TFPI: variants seen among roughly 807,000 people sequenced by gnomAD.
The protein encoded by TFPI is anti-convertin.
TFPI carries 15 observed loss-of-function variants against 34.6 expected under a neutral mutation model. The ratio of observed to expected loss-of-function variants is 0.43; its 90% confidence interval spans 0.29 to 0.67. TFPI has a LOEUF of 0.67. Ranked by LOEUF, TFPI falls within the 30% of genes least tolerant of loss-of-function variation. TFPI has a pLI of 0.15. For synonymous variants in TFPI, 105 were observed against 120.1 expected, an observed-to-expected ratio of 0.87 and a Z score of 0.82; for missense variants, 301 against 364.0, an observed-to-expected ratio of 0.83 and a Z score of 1.41.
At chr2:187,529,184 A>G (rs969620418) in intron 1 of TFPI, among the ~76,000 whole-genome samples, 1 of 152,344 alleles carries the variant, frequency 6.6e-6, no homozygotes, top group South Asian at 2.1e-4. Flanking sequence ...ACCCAGTTCA[A>G]GGTGGCTTTT....
chr2:187,492,481 C>T (rs1479352486), intron 3 of TFPI, among the ~76,000 whole-genome samples: 1 of 152,174 alleles, frequency 6.6e-6, no homozygotes, highest in East Asian at 1.9e-4. Context: ...TGCCCATTCA[C>T]CACTGTGTGT....
chr2:187,501,659 T>C (rs147772532), intron 2 of TFPI, among the ~76,000 whole-genome samples: 102 of 152,216 alleles, frequency 6.7e-4, no homozygotes, highest in African/African-American at 2.3e-3. Context: ...GTTTAACTTA[T>C]TCAGTCTCAC....
At position 187,484,914 on chromosome 2, in the gene TFPI, G is replaced by A. The variant is rs758618776; in HGVS notation, c.432C>T (p.Asn144=). 4 of 1,583,238 alleles carry A rather than the reference G, an allele frequency of 2.5e-6. No homozygotes were observed. The East Asian group carries it at 7.0e-5, about 28-fold the overall frequency. The change falls in exon 5 of 8, where the codon AAC becomes AAT. Residue 144 remains asparagine, a synonymous_variant. Coordinates refer to ENST00000233156, the MANE Select transcript of TFPI (RefSeq NM_006287.6). ...CRGYITRYFY[N]NQTKQCERFK... is the part of the protein sequence containing the mutation. ...AACGTTCACACTGTTTTGTCTGATT[G>A]TTATAAAAATACCTGGTAATATAAC... is the stretch of plus-strand genomic sequence containing the variant.
At chr2:187,469,512 G>T (rs921822681) in intron 6 of TFPI, among the ~76,000 whole-genome samples, 1 of 152,030 alleles carries the variant, frequency 6.6e-6, no homozygotes, top group Admixed American at 6.6e-5. Context: ...TTTACAAAAT[G>T]ATGTTATGGG....
intron 1 of TFPI, among the ~76,000 whole-genome samples, chr2:187,553,635 C>G (rs915150022): frequency 1.3e-5 from 2 of 152,108 alleles, no homozygotes; most frequent in Admixed American, 6.6e-5. Context: ...TTAAGTATCT[C>G]AGAATATGAC....
chr2:187,492,002 T>C (rs531564927), intron 3 of TFPI, among the ~76,000 whole-genome samples: 1 of 152,326 alleles, frequency 6.6e-6, no homozygotes, highest in Admixed American at 6.5e-5. Context: ...TATGTTTCTT[T>C]TGAAAAATAC....
chr2:187,507,786 T>C (rs1438158807), intron 1 of TFPI, among the ~76,000 whole-genome samples: 1 of 152,248 alleles, frequency 6.6e-6, no homozygotes, highest in Non-Finnish European at 1.5e-5. Context: ...TGATTGTTTC[T>C]TTTGCTTTGC....
At chr2:187,502,324 A>C (rs1375777078) in intron 2 of TFPI, among the ~76,000 whole-genome samples, 2 of 152,242 alleles carry the variant, frequency 1.3e-5, no homozygotes, top group East Asian at 3.9e-4. Context: ...AGTTGAGGAA[A>C]ATTGGACTGG....
rs1574354929 is a variant in TFPI, at chr2:187,467,617, T to C, written c.808+136A>G. On this transcript the variant is annotated intron_variant, in intron 7 of 7. Coordinates refer to ENST00000233156, the MANE Select transcript of TFPI (RefSeq NM_006287.6). ...ATCTAGCAATATTATCTAAATGTAA[T>C]TGAAGAGGACATTTATTAGCTAGAT... 4.8e-5 allele frequency: 35 copies of C among 730,114 alleles called. No individual in the cohort carries two copies. The East Asian group carries it at 1.1e-3, about 22-fold the overall frequency. The allele number at this position is 730,114 out of a possible 1,614,324, so 45.2% of individuals were successfully genotyped here. A position where few individuals can be genotyped will look rare whatever the true frequency, so the allele number is the denominator to read the frequency against.
At chr2:187,523,441 T>G (rs1289849424) in intron 1 of TFPI, among the ~76,000 whole-genome samples, 2 of 152,090 alleles carry the variant, frequency 1.3e-5, no homozygotes, top group African/African-American at 4.8e-5. Flanking sequence ...ACTTATAGGC[T>G]CCACTTATTT....
intron 5 of TFPI, chr2:187,484,465 A>G: frequency 2.0e-6 from 1 of 509,590 alleles, no homozygotes; most frequent in Non-Finnish European, 3.4e-6. Context: ...TTATAGGCAG[A>G]TAAAACTGAG....
In TFPI at chr2:187,511,022, C is replaced by T. The variant is rs540236769; in HGVS notation, c.-2-7252G>A. Reference sequence around the variant, plus strand: ...AGGCAGCCCCTTAGGCAGCTTAGGCCTGCCTTGTGGAGCATCCCTGTGGGG... The same window carrying T: ...AGGCAGCCCCTTAGGCAGCTTAGGCTTGCCTTGTGGAGCATCCCTGTGGGG... On this transcript the variant is annotated intron_variant, in intron 1 of 7. Transcript: ENST00000233156. 2.5e-4 allele frequency among the ~76,000 whole-genome samples: 38 copies of T among 152,324 alleles called. 1 individual carries two copies. In the South Asian group the frequency reaches 7.5e-3, roughly 30 times the overall value.
intron 1 of TFPI, among the ~76,000 whole-genome samples, chr2:187,537,155 A>T (rs890998418): frequency 2.0e-5 from 3 of 152,236 alleles, no homozygotes; most frequent in Admixed American, 2.0e-4. Flanking sequence ...AAATAGCCAT[A>T]CTGTCCTAAG....
intron 1 of TFPI, chr2:187,529,422 GCT>G (rs2106248091): frequency 6.6e-6 from 1 of 152,368 alleles, no homozygotes; most frequent in Admixed American, 6.5e-5. Context: ...CCTGGTGAGG[GCT>G]CTCTCTTGGC....
chr2:187,474,750 A>G (rs1276809595), intron 6 of TFPI, among the ~76,000 whole-genome samples: 1 of 152,204 alleles, frequency 6.6e-6, no homozygotes, highest in African/African-American at 2.4e-5. Flanking sequence ...CTTGTCTAAC[A>G]TGTTATGAAA....
chr2:187,488,279 T>C, intron 4 of TFPI, 58 bp downstream of exon 4: 2 of 1,422,036 alleles, frequency 1.4e-6, no homozygotes, highest in Non-Finnish European at 1.9e-6. Flanking sequence ...AAACAAAAAA[T>C]TGAATATCTA....
intron 6 of TFPI, chr2:187,478,643 A>G: frequency 6.2e-7 from 1 of 1,607,534 alleles, no homozygotes; most frequent in Non-Finnish European, 8.5e-7. Context: ...ACGTATACAT[A>G]TAAATATTAA....
chr2:187,493,381 A>C (rs773529454), intron 3 of TFPI, among the ~76,000 whole-genome samples: 3 of 152,186 alleles, frequency 2.0e-5, no homozygotes, highest in Non-Finnish European at 2.9e-5. Context: ...GGCCGGGTCC[A>C]GGAAACCACT....
intron 2 of TFPI, among the ~76,000 whole-genome samples, chr2:187,499,217 G>C (rs1054594332): frequency 2.0e-5 from 3 of 151,440 alleles, no homozygotes; most frequent in African/African-American, 7.3e-5. Context: ...CATATAGAGA[G>C]TTTCTGGTAC....
Sources: allele counts gnomAD v4.1 joint callset (sites outside exome capture counted in the v4.1 genomes callset), GRCh38; gene constraint gnomAD v4.1.1; transcripts MANE v1.5; gene names NCBI Gene and HGNC (gene_info 2026-07-23, HGNC 2026-07-21).